Variants in GRM8 observed in about 807,000 individuals in gnomAD.
GRM8 encodes glutamate metabotropic receptor 8, also known as metabotropic glutamate receptor 8.
GRM8 carries 47 observed loss-of-function variants against 87.2 expected under a neutral mutation model. The observed-to-expected ratio is 0.54, with a 90% CI of 0.43 to 0.69. GRM8 has a LOEUF of 0.69. Ranked by LOEUF, GRM8 falls within the 30% of genes least tolerant of loss-of-function variation. The pLI is 0.00. For missense variants in GRM8, 1,019 were observed against 1,139.2 expected (o/e 0.89, Z 1.52); for synonymous variants, 396 against 404.5 (o/e 0.98, Z 0.25).
chr7:126,658,879 G>T (rs1011408697), intron 7 of GRM8, among the ~76,000 whole-genome samples: 2 of 152,112 alleles, frequency 1.3e-5, no homozygotes, highest in African/African-American at 4.8e-5. Context: ...GCGGCTAGGG[G>T]ACCGAGCCAC....
At chr7:126,505,977 G>A (rs375982554) in intron 9 of GRM8, among the ~76,000 whole-genome samples, 2 of 151,986 alleles carry the variant, frequency 1.3e-5, no homozygotes, top group East Asian at 1.9e-4. Flanking sequence ...CGCATCTTTT[G>A]CCCTGTCTCC....
chr7:126,904,262 G>A, intron 4 of GRM8, 136 bp from the exon 5 acceptor site: 1 of 735,732 alleles, frequency 1.4e-6, no homozygotes, highest in Non-Finnish European at 2.2e-6. Flanking sequence ...CATTCTAACT[G>A]CCCGAGTCTT....
chr7:126,639,157 T>G (rs1272078694), intron 7 of GRM8, among the ~76,000 whole-genome samples: 2 of 152,252 alleles, frequency 1.3e-5, no homozygotes, highest in Non-Finnish European at 2.9e-5. Flanking sequence ...TGCCACTTCC[T>G]TGGCATGCTC....
chr7:126,642,206 G>A (rs146430959), intron 7 of GRM8, among the ~76,000 whole-genome samples: 1 of 152,206 alleles, frequency 6.6e-6, no homozygotes, highest in African/African-American at 2.4e-5. Flanking sequence ...TACAGTGGTT[G>A]TGAGGAGCAC....
chr7:126,450,390 C>T (rs1356776080), intron 9 of GRM8, among the ~76,000 whole-genome samples: 1 of 151,762 alleles, frequency 6.6e-6, no homozygotes, highest in Non-Finnish European at 1.5e-5. Flanking sequence ...TTCTGTTTTG[C>T]CCTCGATGGT....
At chr7:126,477,112 C>T (rs1806007884) in intron 9 of GRM8, among the ~76,000 whole-genome samples, 1 of 152,084 alleles carries the variant, frequency 6.6e-6, no homozygotes, top group Non-Finnish European at 1.5e-5. Flanking sequence ...ACTTGGAGAA[C>T]ATTACGCTAA....
chr7:126,546,414 T>C (rs559370693), intron 8 of GRM8, among the ~76,000 whole-genome samples: 1 of 152,146 alleles, frequency 6.6e-6, no homozygotes, highest in South Asian at 2.1e-4. Context: ...GAAAACCAAC[T>C]CTATTAGGAA....
chr7:126,823,816 T>C (rs1407819533), intron 6 of GRM8, among the ~76,000 whole-genome samples: 2 of 152,204 alleles, frequency 1.3e-5, no homozygotes, highest in African/African-American at 4.8e-5. Flanking sequence ...ACTGCATTTA[T>C]GGTACAGCAG....
intron 3 of GRM8, among the ~76,000 whole-genome samples, chr7:126,997,885 C>T (rs1813339796): frequency 6.6e-6 from 1 of 151,766 alleles, no homozygotes; most frequent in Non-Finnish European, 1.5e-5. Context: ...CTTACTCAAA[C>T]TATTTCAAAA....
rs543434013 is a variant in GRM8, at chr7:127,198,901, C to T, written c.510+43794G>A. On this transcript the variant is annotated intron_variant, in intron 2 of 10. Coordinates refer to ENST00000339582, the MANE Select transcript of GRM8 (RefSeq NM_000845.3). ...TGTTGCCCAGGCTGGAGTGCAATGGCGCAATCTCGGCTCACTGCAACCTTC... is the reference window on the plus strand; with the variant it reads ...TGTTGCCCAGGCTGGAGTGCAATGGTGCAATCTCGGCTCACTGCAACCTTC... Among the ~76,000 whole-genome samples, 22 of 148,922 alleles carry T rather than the reference C, an allele frequency of 1.5e-4. No individual in the cohort carries two copies. The East Asian group carries it at 2.8e-3, about 19-fold the overall frequency.
chr7:126,882,032 G>A (rs1800071320), intron 6 of GRM8, among the ~76,000 whole-genome samples: 1 of 152,150 alleles, frequency 6.6e-6, no homozygotes, highest in African/African-American at 2.4e-5. Context: ...GACATCTTCA[G>A]GATTTGGCAG....
At chr7:127,010,779 G>A (rs543461820) in intron 3 of GRM8, among the ~76,000 whole-genome samples, 3 of 152,064 alleles carry the variant, frequency 2.0e-5, no homozygotes, top group Non-Finnish European at 2.9e-5. Context: ...AACACAGTGA[G>A]CCAGATTTGA....
intron 3 of GRM8, among the ~76,000 whole-genome samples, chr7:126,916,199 C>T (rs1803884667): frequency 6.6e-6 from 1 of 152,140 alleles, no homozygotes; most frequent in Non-Finnish European, 1.5e-5. Flanking sequence ...CTGTTCTGGA[C>T]TTTAAAACAG....
chr7:126,627,003 G>T (rs1200553739), intron 7 of GRM8, among the ~76,000 whole-genome samples: 1 of 152,084 alleles, frequency 6.6e-6, no homozygotes, highest in East Asian at 1.9e-4. Flanking sequence ...TGTATTGCTT[G>T]CTTCCATTAT....
chr7:127,171,110 T>C (rs955495809), intron 2 of GRM8, among the ~76,000 whole-genome samples: 1 of 152,176 alleles, frequency 6.6e-6, no homozygotes, highest in African/African-American at 2.4e-5. Flanking sequence ...GGTTCAAAAC[T>C]TTGGTGGAGT....
chr7:127,156,761 T>C (rs1253621509), intron 2 of GRM8, among the ~76,000 whole-genome samples: 2 of 151,964 alleles, frequency 1.3e-5, no homozygotes, highest in East Asian at 3.9e-4. Flanking sequence ...GAAGTTAAAA[T>C]AAGCAAAATA....
At chr7:127,076,697 C>G (rs1822302174) in intron 3 of GRM8, among the ~76,000 whole-genome samples, 1 of 152,176 alleles carries the variant, frequency 6.6e-6, no homozygotes, top group Admixed American at 6.5e-5. Flanking sequence ...CAAGCTGTTA[C>G]AGGGCCATTT....
intron 7 of GRM8, among the ~76,000 whole-genome samples, chr7:126,728,270 A>G (rs1160973679): frequency 6.6e-6 from 1 of 152,182 alleles, no homozygotes; most frequent in Non-Finnish European, 1.5e-5. Flanking sequence ...GTGCTGTGCC[A>G]CACAAAGCTC....
At chr7:126,860,677 CG>C (rs1455603942) in intron 6 of GRM8, among the ~76,000 whole-genome samples, 1 of 151,992 alleles carries the variant, frequency 6.6e-6, no homozygotes, top group Admixed American at 6.6e-5. Flanking sequence ...TTTTAAACAG[CG>C]GCAGATTTAT....
Sources: gnomAD v4.1 joint callset for allele counts (sites outside exome capture counted in the v4.1 genomes callset) on GRCh38, gnomAD v4.1.1 for gene constraint, MANE v1.5 for transcripts, NCBI Gene and HGNC (gene_info 2026-07-23, HGNC 2026-07-21) for gene names.